TSPAN11: variants seen among roughly 807,000 people sequenced by gnomAD.
TSPAN11 encodes tetraspanin 11.
A neutral mutation model predicts 32.9 loss-of-function variants in TSPAN11; 29 were observed. The observed-to-expected ratio is 0.88, with a 90% confidence interval of 0.66 to 1.20. The LOEUF (loss-of-function observed/expected upper bound fraction) is 1.20. Ranked by LOEUF, TSPAN11 falls within the 50% of genes most tolerant of loss-of-function variation. The probability of loss-of-function intolerance (pLI) is 0.00; values close to 1 mark genes in which losing one functional copy is unlikely to be tolerated. For missense variants in TSPAN11, 283 were observed against 329.1 expected (o/e 0.86, Z 1.08); for synonymous variants, 140 against 141.3 (o/e 0.99, Z 0.07).
chr12:30,983,717 A>G (rs759277909), intron 7 of TSPAN11, among the ~76,000 whole-genome samples: 1 of 152,180 alleles, frequency 6.6e-6, no homozygotes, highest in East Asian at 1.9e-4. Flanking sequence ...ATCTGTACTG[A>G]ACAACCTTGT....
the TSPAN11 span, among the ~76,000 whole-genome samples, chr12:31,013,440 G>A: frequency 6.6e-6 from 1 of 151,946 alleles, no homozygotes; most frequent in Non-Finnish European, 1.5e-5. Flanking sequence ...TTAATTAGCT[G>A]GGCATGGTGG....
chr12:31,011,541 G>C, the TSPAN11 span, among the ~76,000 whole-genome samples: 9,653 of 152,120 alleles, frequency 0.063, 451 homozygotes, highest in South Asian at 0.18. Context: ...ACTGCAGCCC[G>C]GCATCAGCTA....
At chr12:30,997,384 TAA>T (rs1939432261), downstream of TSPAN11, 1 of 152,202 alleles carries the variant, frequency 6.6e-6, no homozygotes, top group South Asian at 2.1e-4. Flanking sequence ...GGGTAATTTA[TAA>T]AGAGAAGAGG....
chr12:31,011,231 T>C, the TSPAN11 span, among the ~76,000 whole-genome samples: 1 of 152,076 alleles, frequency 6.6e-6, no homozygotes, highest in Non-Finnish European at 1.5e-5. Context: ...CCATCTCTAC[T>C]GAAAATACAA....
At chr12:30,979,518 G>A (rs773334016) in intron 4 of TSPAN11, 48 bp from the exon 5 acceptor site, 1 of 1,577,918 alleles carries the variant, frequency 6.3e-7, no homozygotes. Context: ...GCCAGGGCAG[G>A]GGTGGGGCTG....
At chr12:30,954,150 AC>A (rs750863840) in intron 2 of TSPAN11, 75 bp downstream of exon 2, 46 of 1,094,126 alleles carry the variant, frequency 4.2e-5, no homozygotes, top group Non-Finnish European at 5.9e-5. Flanking sequence ...TTTTTGTGTC[AC>A]CACTTTGAGG....
At chr12:30,964,096 C>T (rs1232000050) in intron 3 of TSPAN11, 79 bp downstream of exon 3, 93 of 1,532,544 alleles carry the variant, frequency 6.1e-5, no homozygotes, top group Non-Finnish European at 8.1e-5. Context: ...GAGAGGGGCC[C>T]CAGCCCTGGA....
intron 2 of TSPAN11, 63 bp from the exon 3 acceptor site, chr12:30,963,763 T>C (rs1414508543): frequency 6.4e-7 from 1 of 1,554,524 alleles, no homozygotes; most frequent in African/African-American, 1.3e-5. Flanking sequence ...CTGTGGGCAC[T>C]GAACGGATAG....
intron 7 of TSPAN11, among the ~76,000 whole-genome samples, chr12:30,985,813 T>C (rs1008438263): frequency 3.9e-5 from 6 of 152,234 alleles, no homozygotes; most frequent in African/African-American, 9.6e-5. Flanking sequence ...AAGTCTGATA[T>C]TGAAGAGGTC....
chr12:30,938,623 C>G (rs1938094293), intron 1 of TSPAN11, among the ~76,000 whole-genome samples: 1 of 152,152 alleles, frequency 6.6e-6, no homozygotes. Context: ...CAACCATGTC[C>G]CACCCTCAGG....
At chr12:31,007,240 T>C in the TSPAN11 span, among the ~76,000 whole-genome samples, 1 of 152,154 alleles carries the variant, frequency 6.6e-6, no homozygotes, top group Non-Finnish European at 1.5e-5. Context: ...GAATACCAGA[T>C]AAATATTTGC....
chr12:30,964,597 C>T (rs139423332), intron 3 of TSPAN11, among the ~76,000 whole-genome samples: 44 of 152,248 alleles, frequency 2.9e-4, no homozygotes, highest in African/African-American at 1.1e-3. Flanking sequence ...TCACCTGCAC[C>T]CTGCCCACTT....
chr12:30,937,311 T>C (rs1429500355), intron 1 of TSPAN11, among the ~76,000 whole-genome samples: 3 of 152,148 alleles, frequency 2.0e-5, no homozygotes, highest in Non-Finnish European at 2.9e-5. Context: ...AGAAACAGTA[T>C]GCATGGTCAT....
chr12:30,943,338 A>C (rs1242659393), intron 1 of TSPAN11, among the ~76,000 whole-genome samples: 1 of 152,128 alleles, frequency 6.6e-6, no homozygotes, highest in Non-Finnish European at 1.5e-5. Flanking sequence ...ATCTGCTCTC[A>C]TGTGTCTGGG....
At chr12:30,964,165 G>A in intron 3 of TSPAN11, 148 bp downstream of exon 3, 2 of 999,562 alleles carry the variant, frequency 2.0e-6, no homozygotes, top group African/African-American at 1.6e-5. Context: ...CTGGGTCTGG[G>A]GTTTGCCACG....
intron 1 of TSPAN11, 192 bp downstream of exon 1, chr12:30,926,988 C>T (rs1044737983): frequency 1.6e-6 from 2 of 1,282,726 alleles, no homozygotes; most frequent in African/African-American, 1.5e-5. Flanking sequence ...CTGGGACACT[C>T]GCGGGGCATG....
intron 7 of TSPAN11, among the ~76,000 whole-genome samples, chr12:30,984,225 G>A (rs1037382528): frequency 1.3e-5 from 2 of 152,226 alleles, no homozygotes; most frequent in Admixed American, 1.3e-4. Flanking sequence ...ATCTAGAGAA[G>A]GGGAGGAGCA....
Position 30,988,896 on chromosome 12 carries a change from A to T in TSPAN11, c.703-2960A>T, listed in dbSNP as rs573227025. Among the ~76,000 whole-genome samples, 3 of 152,306 alleles carry T rather than the reference A, an allele frequency of 2.0e-5. No homozygotes were observed. In the East Asian group the frequency reaches 5.8e-4, roughly 29 times the overall value. ...TTCCCCTCTTGTGGGTGGAATCTGGAGGCACTCCACTTTGAGGTAACTTTA... is the reference window on the plus strand; with the variant it reads ...TTCCCCTCTTGTGGGTGGAATCTGGTGGCACTCCACTTTGAGGTAACTTTA... On this transcript the variant is annotated intron_variant, in intron 7 of 7. Coordinates refer to ENST00000546076, the MANE Select transcript of TSPAN11 (RefSeq NM_001370302.1).
rs1228569922 is a variant in TSPAN11, at chr12:30,996,185, G to A, written c.*4270G>A. 1 of 152,240 alleles carries A rather than the reference G, an allele frequency of 6.6e-6. No homozygotes were observed. Among genetic ancestry groups the A allele is most frequent in the Non-Finnish European group, 1.5e-5 (1 of 68,078 alleles). The allele number at this position is 152,240 out of a possible 1,614,324, so 9.4% of individuals were successfully genotyped here. ...TGTGATCTTGGCCAGGAGACCAGGT[G>A]CCTGGGTCCCTTCCTGGAAGGGGAC... On this transcript the variant is annotated 3_prime_UTR_variant, in exon 8 of 8. Coordinates refer to ENST00000546076, the MANE Select transcript of TSPAN11 (RefSeq NM_001370302.1).
Sources: gnomAD v4.1 joint callset for allele counts (sites outside exome capture counted in the v4.1 genomes callset) on GRCh38, gnomAD v4.1.1 for gene constraint, MANE v1.5 for transcripts, NCBI Gene and HGNC (gene_info 2026-07-23, HGNC 2026-07-21) for gene names.